Variants in CLPTM1L observed in about 807,000 individuals in gnomAD.
CLPTM1L encodes the protein CLPTM1 like.
Under a neutral mutation model 70.9 loss-of-function variants are expected in CLPTM1L, and 38 were observed. The observed-to-expected ratio is 0.54, with a 90% CI of 0.41 to 0.70. CLPTM1L has a LOEUF of 0.70. Ranked by LOEUF, CLPTM1L falls within the 30% of genes least tolerant of loss-of-function variation. CLPTM1L has a pLI of 0.00. For missense variants in CLPTM1L, 652 were observed against 705.9 expected, an observed-to-expected ratio of 0.92 and a Z score of 0.87; for synonymous variants, 339 against 299.9, an observed-to-expected ratio of 1.13 and a Z score of -1.35.
At chr5:1,332,639 T>C (rs1267237853) in intron 7 of CLPTM1L, among the ~76,000 whole-genome samples, 1 of 152,170 alleles carries the variant, frequency 6.6e-6, no homozygotes, top group East Asian at 1.9e-4. Flanking sequence ...TTACCCATGG[T>C]TTACTGTCCA....
At position 1,342,708 on chromosome 5, in the gene CLPTM1L, T is replaced by TCC. The variant is rs1362598176; in HGVS notation, c.264-850_264-849dup. On this transcript the variant is annotated intron_variant, in intron 2 of 16. Coordinates refer to ENST00000320895, the MANE Select transcript of CLPTM1L (RefSeq NM_030782.5). This position sits in a 1 kb window ranked among gnomAD's most constrained non-coding sequence, Gnocchi z 4.3. ...GCTCAAGTGACCTCCCGCCTCAGTCTCCCGAGTAGCTGGGACTACAGGTGG... is the reference window on the plus strand; with the variant it reads ...GCTCAAGTGACCTCCCGCCTCAGTCTCCCCCGAGTAGCTGGGACTACAGGTGG... 6.6e-6 allele frequency among the ~76,000 whole-genome samples: 1 copy of TCC among 152,204 alleles called. No homozygotes were observed. Among genetic ancestry groups the TCC allele is most frequent in the South Asian group, 2.1e-4 (1 of 4,836 alleles).
chr5:1,329,113 A>G (rs1378351828), intron 9 of CLPTM1L, among the ~76,000 whole-genome samples: 1 of 152,260 alleles, frequency 6.6e-6, no homozygotes, highest in Non-Finnish European at 1.5e-5. Context: ...CACAGAGCTC[A>G]GTGAGGAGCT....
At chr5:1,325,191 C>T (rs1017355900) in intron 10 of CLPTM1L, 4 of 306,122 alleles carry the variant, frequency 1.3e-5, no homozygotes, top group Admixed American at 4.7e-5. Context: ...GGCTGCGCTG[C>T]GTGTGCTGGG....
In CLPTM1L at chr5:1,341,675, G is replaced by C. The variant is rs1189141399; in HGVS notation, c.449C>G (p.Thr150Arg). The C allele has an allele frequency of 6.2e-7, 1 of 1,606,456 alleles. No individual in the cohort carries two copies. Among genetic ancestry groups the C allele is most frequent in the South Asian group, 1.1e-5 (1 of 90,866 alleles). Residue 150 changes from threonine to arginine, a missense_variant, in exon 3 of 17, where the codon ACA becomes AGA. Around this residue, in one of 3 missense-constraint regions of CLPTM1L, gnomAD observed 402 missense variants for 388.2 expected, o/e 1.04. Transcript: ENST00000320895. ...EINLLTGESDTQQIEAEKKPT... is the reference protein window; with the variant it reads ...EINLLTGESDRQQIEAEKKPT... ...GTAACCCATGAAGACCCTCACCTGTGTATCAGACTCCCCGGTGAGCAGGTT... is the reference window on the plus strand; with the variant it reads ...GTAACCCATGAAGACCCTCACCTGTCTATCAGACTCCCCGGTGAGCAGGTT...
intron 7 of CLPTM1L, among the ~76,000 whole-genome samples, chr5:1,332,886 C>A (rs191854736): frequency 1.6e-4 from 25 of 152,334 alleles, no homozygotes; most frequent in African/African-American, 5.1e-4. Context: ...TTTGAACACA[C>A]CCCCTGAGGA....
intron 9 of CLPTM1L, among the ~76,000 whole-genome samples, chr5:1,329,800 C>A (rs1178953186): frequency 8.6e-6 from 1 of 116,096 alleles, no homozygotes; most frequent in African/African-American, 4.4e-5. Context: ...CCTCAGGACT[C>A]TCTGCTTGGT....
Position 1,320,554 on chromosome 5 carries a change from C to T in CLPTM1L, c.1532+62G>A, listed in dbSNP as rs369245118. 2.6e-4 allele frequency: 226 copies of T among 883,954 alleles called. 1 individual carries two copies. The South Asian group carries it at 3.9e-3, about 15-fold the overall frequency. 54.8% of individuals were successfully genotyped at this position (883,954 alleles called of 1,614,324 possible). ...CAGGGTGCGGTGAAAGCCGTCATTC[C>T]GTTCAGCAGCAGCCACGCCGCTGAG... is the stretch of plus-strand genomic sequence containing the variant. On this transcript the variant is annotated intron_variant, in intron 16 of 16. Transcript: ENST00000320895.
At chr5:1,321,528 A>C in intron 15 of CLPTM1L, 107 bp downstream of exon 15, 5 of 964,852 alleles carry the variant, frequency 5.2e-6, no homozygotes, top group South Asian at 1.3e-5. Flanking sequence ...GGACAGGTGC[A>C]GATGCACTCT....
chr5:1,325,072 TCA>T, intron 10 of CLPTM1L: 3 of 570,918 alleles, frequency 5.3e-6, no homozygotes, highest in Non-Finnish European at 9.4e-6. Context: ...CTCAGGTGGC[TCA>T]GTTTTCAGTG....
chr5:1,326,682 T>C (rs1389908962), intron 9 of CLPTM1L, among the ~76,000 whole-genome samples: 2 of 150,862 alleles, frequency 1.3e-5, no homozygotes, highest in Admixed American at 1.3e-4. Context: ...GGACATTCCA[T>C]CCAGCTCCTC....
At chr5:1,338,026 T>C in intron 4 of CLPTM1L, 44 bp from the exon 5 acceptor site, 1 of 1,486,120 alleles carries the variant, frequency 6.7e-7, no homozygotes, top group Non-Finnish European at 9.3e-7. Context: ...CCAAGGCTTT[T>C]ACCTTTCAAT....
rs1753994583 is a variant in CLPTM1L, at chr5:1,342,195, G to C, written c.264-335C>G. ...GGCTGAAGCAGCCAGATGGAAAGCA[G>C]CTTCTGGGCCTGGCCAGGGTACCAG... On this transcript the variant is annotated intron_variant, in intron 2 of 16. Coordinates refer to ENST00000320895, the MANE Select transcript of CLPTM1L (RefSeq NM_030782.5). This position sits in a 1 kb window ranked among gnomAD's most constrained non-coding sequence, Gnocchi z 4.3. Among the ~76,000 whole-genome samples the C allele has an allele frequency of 1.3e-5, 2 of 152,180 alleles. No individual in the cohort carries two copies. Among genetic ancestry groups the C allele is most frequent in the Non-Finnish European group, 2.9e-5 (2 of 68,020 alleles).
At chr5:1,324,096 C>A (rs901805465) in intron 11 of CLPTM1L, 28 of 560,106 alleles carry the variant, frequency 5.0e-5, no homozygotes, top group African/African-American at 4.5e-4. Flanking sequence ...ACTACAGGCG[C>A]TAGTTAACAA....
At chr5:1,331,684 C>G (rs1753101196) in intron 8 of CLPTM1L, 115 bp downstream of exon 8, 2 of 873,010 alleles carry the variant, frequency 2.3e-6, no homozygotes, top group Admixed American at 2.0e-5. Context: ...AAGAGCCAAG[C>G]ACACACCCGG....
At chr5:1,334,046 A>C (rs941158745) in intron 7 of CLPTM1L, among the ~76,000 whole-genome samples, 4 of 152,074 alleles carry the variant, frequency 2.6e-5, no homozygotes, top group Admixed American at 6.5e-5. Flanking sequence ...AGCACAGCCC[A>C]AGTCGCCAAG....
chr5:1,340,269 AG>A (rs1161497241), intron 3 of CLPTM1L, among the ~76,000 whole-genome samples: 1 of 152,228 alleles, frequency 6.6e-6, no homozygotes, highest in Non-Finnish European at 1.5e-5. Flanking sequence ...TGTGGCTGTA[AG>A]GAGACTGAGA....
chr5:1,317,993 T>C lies in CLPTM1L; in HGVS notation c.*376A>G. The C allele has an allele frequency of 4.5e-6, 1 of 221,842 alleles. No homozygotes were observed. Among genetic ancestry groups the C allele is most frequent in the Non-Finnish European group, 8.8e-6 (1 of 114,166 alleles). The allele number at this position is 221,842 out of a possible 1,614,324, so 13.7% of individuals were successfully genotyped here. A position where few individuals can be genotyped will look rare whatever the true frequency, so the allele number is the denominator to read the frequency against. On this transcript the variant is annotated 3_prime_UTR_variant, in exon 17 of 17. Coordinates refer to ENST00000320895, the MANE Select transcript of CLPTM1L (RefSeq NM_030782.5). ...CATGCGGAATGAATTCCATACGTGT[T>C]TGAAATTCACATAAGGAGCACTTAG...
chr5:1,338,283 T>G (rs1430784525), intron 4 of CLPTM1L: 2 of 458,072 alleles, frequency 4.4e-6, no homozygotes, highest in African/African-American at 4.0e-5. Context: ...CCCAGGGCCC[T>G]CTGCGCACTG....
intron 10 of CLPTM1L, 95 bp downstream of exon 10, chr5:1,325,656 A>C: frequency 3.1e-6 from 3 of 981,606 alleles, no homozygotes; most frequent in Non-Finnish European, 3.2e-6. Flanking sequence ...GCCCGCAGTG[A>C]CTCATCTGCA....
Sources: allele counts gnomAD v4.1 joint callset (sites outside exome capture counted in the v4.1 genomes callset), GRCh38; gene constraint gnomAD v4.1.1; regional missense constraint gnomAD v4.1.1; non-coding constraint Gnocchi (gnomAD v3.1); transcripts MANE v1.5; gene names NCBI Gene and HGNC (gene_info 2026-07-23, HGNC 2026-07-21).